KIF15: variants seen among roughly 807,000 people sequenced by gnomAD.
The protein encoded by KIF15 is kinesin family member 15.
In KIF15, 140 loss-of-function variants were observed where a neutral mutation model predicts 190.6. The observed-to-expected ratio is 0.73, with a 90% CI of 0.64 to 0.84. The LOEUF (loss-of-function observed/expected upper bound fraction) is 0.84. Among genes scored for constraint, KIF15 ranks in the 40% least tolerant of loss-of-function variants. KIF15 has a pLI of 0.00. For synonymous variants in KIF15, 528 were observed against 551.3 expected, an observed-to-expected ratio of 0.96 and a Z score of 0.59; for missense variants, 1,372 against 1,584.4, an observed-to-expected ratio of 0.87 and a Z score of 2.28.
intron 29 of KIF15, among the ~76,000 whole-genome samples, chr3:44,842,215 T>C (rs1698643526): frequency 6.6e-6 from 1 of 152,216 alleles, no homozygotes; most frequent in Admixed American, 6.5e-5. Flanking sequence ...TTTTTTAGTC[T>C]CTGATAAATT....
chr3:44,840,788 C>T (rs1383613165), intron 28 of KIF15, among the ~76,000 whole-genome samples: 2 of 150,632 alleles, frequency 1.3e-5, no homozygotes, highest in East Asian at 2.0e-4. Context: ...CCTGCCTCAG[C>T]TTCCCAAGTA....
chr3:44,805,151 A>T lies in KIF15; in HGVS notation c.1812A>T (p.Glu604Asp). The part of the protein sequence containing the change: ...ELNNSKQEYE[E>D]FKELTRKRQL... Reference sequence around the variant, plus strand: ...ATAATTCAAAGCAAGAATATGAAGAATTCAAAGAACTTACTAGGTAAAGTC... The same window carrying T: ...ATAATTCAAAGCAAGAATATGAAGATTTCAAAGAACTTACTAGGTAAAGTC... The change falls in exon 15 of 35, where the codon GAA becomes GAT. Residue 604 changes from glutamate to aspartate, a missense_variant. Physicochemically the swap from Glu to Asp is conservative, Grantham distance 45. Coordinates refer to ENST00000326047, the MANE Select transcript of KIF15 (RefSeq NM_020242.3). The T allele has an allele frequency of 1.2e-6, 2 of 1,611,526 alleles. No individual in the cohort carries two copies. The highest frequency in any genetic ancestry group is 1.7e-6 in the Non-Finnish European group (2 of 1,179,342).
chr3:44,838,796 G>T (rs1263900086), intron 27 of KIF15, among the ~76,000 whole-genome samples: 1 of 151,452 alleles, frequency 6.6e-6, no homozygotes, highest in African/African-American at 2.4e-5. Flanking sequence ...CACAGTTGAG[G>T]TTGTCATGAC....
chr3:44,794,389 G>T lies in KIF15; in HGVS notation c.812G>T (p.Arg271Met). The change falls in exon 8 of 35, where the codon AGG (arginine) becomes ATG (methionine). Residue 271 changes from arginine to methionine, a missense_variant. Coordinates refer to ENST00000326047, the MANE Select transcript of KIF15 (RefSeq NM_020242.3). ...LNLVDLAGSERQKDTHAEGMR... is the reference protein window; with the variant it reads ...LNLVDLAGSEMQKDTHAEGMR... ...CTGGTGGATTTAGCAGGATCTGAAA[G>T]GCAAAAAGATACCCATGCAGAAGGG... 6.2e-7 allele frequency: 1 copy of T among 1,609,160 alleles called. No homozygotes were observed. The highest frequency in any genetic ancestry group is 8.5e-7 in the Non-Finnish European group (1 of 1,177,694).
chr3:44,805,981 C>G lies in KIF15; in HGVS notation c.1966C>G (p.Leu656Val). 6.2e-7 allele frequency: 1 copy of G among 1,613,380 alleles called. No individual in the cohort carries two copies. The highest frequency in any genetic ancestry group is 1.3e-5 in the African/African-American group (1 of 74,976). Residue 656 changes from leucine to valine, a missense_variant, in exon 16 of 35, where the codon CTT (leucine) becomes GTT (valine). Coordinates refer to ENST00000326047, the MANE Select transcript of KIF15 (RefSeq NM_020242.3). ...SQLNKIHAET[L>V]KIITTPTKAY... ...GCTGAATAAAATTCATGCTGAAACA[C>G]TTAAGGTAGGTCATCTGAACAATAC... is the stretch of plus-strand genomic sequence containing the variant.
chr3:44,811,593 C>T (rs900267028), intron 17 of KIF15, among the ~76,000 whole-genome samples: 14 of 151,852 alleles, frequency 9.2e-5, no homozygotes, highest in Non-Finnish European at 1.5e-4. Context: ...TGCAGTGAGC[C>T]GAGATCGCGC....
intron 10 of KIF15, among the ~76,000 whole-genome samples, chr3:44,798,839 A>G (rs1707121769): frequency 6.6e-6 from 1 of 152,148 alleles, no homozygotes. Context: ...TTATGTCTGG[A>G]GATAGGGTGA....
intron 5 of KIF15, among the ~76,000 whole-genome samples, chr3:44,782,538 G>C (rs1706219285): frequency 6.6e-6 from 1 of 152,208 alleles, no homozygotes; most frequent in Non-Finnish European, 1.5e-5. Context: ...GGCTCTTGTG[G>C]ACCTTCTGAT....
In KIF15 at chr3:44,840,362, A is replaced by C. The variant is rs1479632184; in HGVS notation, c.3326A>C (p.Gln1109Pro). ...TCTGTTCAATTTTCCCAGCTAAACC[A>C]AAAGAAAGAGGAAGTAGAACAGAAG... is the stretch of plus-strand genomic sequence containing the variant. Reference protein sequence around the residue: ...LIQELQHKLNQKKEEVEQKKN... With the variant: ...LIQELQHKLNPKKEEVEQKKN... The change falls in exon 28 of 35, where the codon CAA becomes CCA. Residue 1109 changes from glutamine (Q) to proline (P), a missense_variant. Transcript: ENST00000326047. 6.2e-7 allele frequency: 1 copy of C among 1,600,438 alleles called. No individual in the cohort carries two copies. Among genetic ancestry groups the C allele is most frequent in the South Asian group, 1.1e-5 (1 of 88,954 alleles).
rs145725033 is a variant in KIF15 at position 44,794,716 on chromosome 3, C to T, written c.849+290C>T. Among the ~76,000 whole-genome samples, 766 of 152,248 alleles carry T rather than the reference C, an allele frequency of 5.0e-3. 5 individuals are homozygous for T. The highest frequency in any genetic ancestry group is 0.017 in the Middle Eastern group (5 of 294). ...GTGGCTCACACCTGTAATCCCAGCA[C>T]TTTGGGAAGCTGAGGCAGGTAGATC... On this transcript the variant is annotated intron_variant, in intron 8 of 34. Transcript: ENST00000326047.
chr3:44,823,517 G>A (rs550235236), intron 20 of KIF15, among the ~76,000 whole-genome samples: 24 of 152,298 alleles, frequency 1.6e-4, no homozygotes, highest in Middle Eastern at 3.4e-3. Context: ...CTCAAACACC[G>A]TGTTGGGAGA....
chr3:44,783,417 A>G (rs1205038744), intron 5 of KIF15, among the ~76,000 whole-genome samples: 1 of 152,102 alleles, frequency 6.6e-6, no homozygotes, highest in Non-Finnish European at 1.5e-5. Flanking sequence ...CTCTCCAACA[A>G]CTAGTTCTCT....
At chr3:44,828,862 A>G (rs1419424570) in intron 24 of KIF15, among the ~76,000 whole-genome samples, 2 of 151,864 alleles carry the variant, frequency 1.3e-5, no homozygotes, top group African/African-American at 2.4e-5. Context: ...ACATGGAGAA[A>G]CCCCATCTCT....
At position 44,761,807 on chromosome 3, in the gene KIF15, G is replaced by A. The variant is rs1705150963; in HGVS notation, c.-59G>A. The A allele has an allele frequency of 1.9e-5, 31 of 1,612,800 alleles. No homozygotes were observed. Among genetic ancestry groups the A allele is most frequent in the Non-Finnish European group, 2.5e-5 (29 of 1,178,908 alleles). On this transcript the variant is annotated 5_prime_UTR_variant, in exon 1 of 35. Coordinates refer to ENST00000326047, the MANE Select transcript of KIF15 (RefSeq NM_020242.3). Reference sequence around the variant, plus strand: ...CGGGCGGAATTCAGTCGCGCGCGGTGCAGTCGGGAGGTGGAGGCACCGGCT... The same window carrying A: ...CGGGCGGAATTCAGTCGCGCGCGGTACAGTCGGGAGGTGGAGGCACCGGCT...
rs374785012 is a variant in KIF15 at position 44,810,884 on chromosome 3, C to G, written c.2010C>G (p.Ser670=). Residue 670 remains serine, a synonymous_variant, in exon 17 of 35, where the codon TCC becomes TCG. Transcript: ENST00000326047. ...TTPTKAYQLH[S]RPVPKLSPEM... ...CAACCAAGGCCTACCAACTTCATTC[C>G]CGACCAGTACCAAAATTAAGCCCTG... 2.5e-6 allele frequency: 4 copies of G among 1,613,740 alleles called. No individual in the cohort carries two copies. The highest frequency in any genetic ancestry group is 2.7e-5 in the African/African-American group (2 of 74,852).
At chr3:44,832,346 A>G (rs1023197102) in intron 26 of KIF15, among the ~76,000 whole-genome samples, 6 of 152,186 alleles carry the variant, frequency 3.9e-5, no homozygotes, top group African/African-American at 9.7e-5. Context: ...CTGCATAGAC[A>G]TTGAACCCAG....
intron 1 of KIF15, among the ~76,000 whole-genome samples, chr3:44,767,930 A>C (rs1022473285): frequency 6.7e-6 from 1 of 148,854 alleles, no homozygotes; most frequent in Admixed American, 6.7e-5. Context: ...TGTGGAGCTC[A>C]GGACAGCAGT....
intron 21 of KIF15, 81 bp from the exon 22 acceptor site, chr3:44,826,294 T>G: frequency 6.4e-7 from 1 of 1,554,870 alleles, no homozygotes; most frequent in East Asian, 2.2e-5. Context: ...CCACAGTGCC[T>G]GCCACATAGA....
chr3:44,781,562 A>G (rs1706164482), intron 5 of KIF15, among the ~76,000 whole-genome samples: 1 of 152,166 alleles, frequency 6.6e-6, no homozygotes, highest in African/African-American at 2.4e-5. Context: ...TTTATGTTGG[A>G]TATGTATCCA....
Sources: gnomAD v4.1 joint callset for allele counts (sites outside exome capture counted in the v4.1 genomes callset) on GRCh38, gnomAD v4.1.1 for gene constraint, MANE v1.5 for transcripts, NCBI Gene and HGNC (gene_info 2026-07-23, HGNC 2026-07-21) for gene names.